AP3D1: variants seen among roughly 807,000 people sequenced by gnomAD.
AP3D1 encodes the protein AP-3 complex subunit delta-1.
A neutral mutation model predicts 147.6 loss-of-function variants in AP3D1; 51 were observed. That is an observed-to-expected ratio of 0.35 (90% CI 0.28 to 0.44). The LOEUF is 0.44. Ranked by LOEUF, AP3D1 falls within the 20% of genes least tolerant of loss-of-function variation. AP3D1 has a pLI of 1.00. For missense variants in AP3D1, 1,421 were observed against 1,624.2 expected (o/e 0.87, Z 2.15); for synonymous variants, 760 against 663.0 (o/e 1.15, Z -2.25).
chr19:2,134,420 CAA>C (rs60373017), intron 4 of AP3D1, among the ~76,000 whole-genome samples: 2 of 140,940 alleles, frequency 1.4e-5, no homozygotes. Context: ...AACCCTGTCT[CAA>C]AAAAAAAAAA....
chr19:2,128,510 C>T (rs1291500588), intron 8 of AP3D1, among the ~76,000 whole-genome samples: 76 of 131,606 alleles, frequency 5.8e-4, no homozygotes, highest in African/African-American at 2.2e-3. Context: ...CCGGCCCGCC[C>T]CACAGCTCCG....
rs2018193652 is a variant in AP3D1, at chr19:2,109,145, CCAT to C, written c.3410_3412del (p.Asp1137del). 1 of 1,609,772 alleles carries C rather than the reference CCAT, an allele frequency of 6.2e-7. No individual in the cohort carries two copies. The highest frequency in any genetic ancestry group is 1.7e-5 in the Admixed American group (1 of 58,434). ...AAGATTCTGGAAGGACATCCGAATG[CCAT>C]CGACTTTGATTGAGCTCATGCTCAA... is the stretch of plus-strand genomic sequence containing the variant. On this transcript the variant is annotated inframe_deletion, in exon 30 of 32. Transcript: ENST00000643116.
intron 25 of AP3D1, 50 bp downstream of exon 25, chr19:2,111,629 A>G: frequency 2.0e-6 from 3 of 1,536,688 alleles, no homozygotes; most frequent in Non-Finnish European, 2.6e-6. Context: ...AGCAGCGCAC[A>G]GCCCGCCAGG....
At position 2,112,198 on chromosome 19, in the gene AP3D1, T is replaced by C. The variant is rs569928754; in HGVS notation, c.2788-370A>G. The C allele has an allele frequency of 1.5e-5, 4 of 260,330 alleles. No individual in the cohort carries two copies. In the South Asian group the frequency reaches 2.3e-4, roughly 15 times the overall value. The allele number at this position is 260,330 out of a possible 1,614,324, so 16.1% of individuals were successfully genotyped here. A position where few individuals can be genotyped will look rare whatever the true frequency, so the allele number is the denominator to read the frequency against. On this transcript the variant is annotated intron_variant, in intron 24 of 31. Coordinates refer to ENST00000643116, the MANE Select transcript of AP3D1 (RefSeq NM_001261826.3). ...CACTGCGCAGATGTTCAAAGCGGCA[T>C]ACTGTGTCACCACAAAGGGGAAGCG...
chr19:2,117,547 G>A (rs529883101), intron 15 of AP3D1, among the ~76,000 whole-genome samples, 180 bp from the exon 16 acceptor site: 3 of 152,340 alleles, frequency 2.0e-5, no homozygotes, highest in African/African-American at 7.2e-5. Context: ...GCCAGGAAGC[G>A]GCAGAAACAG....
At chr19:2,145,849 T>C (rs1400357643) in intron 1 of AP3D1, among the ~76,000 whole-genome samples, 1 of 152,138 alleles carries the variant, frequency 6.6e-6, no homozygotes, top group Non-Finnish European at 1.5e-5. Flanking sequence ...CAAGCCTCTT[T>C]GAAGAGAGAG....
chr19:2,132,362 C>T (rs1327737034), intron 5 of AP3D1, 109 bp downstream of exon 5: 14 of 991,314 alleles, frequency 1.4e-5, no homozygotes, highest in East Asian at 9.8e-5. Context: ...GGCCACGCAC[C>T]GGGGACCCCG....
intron 11 of AP3D1, 152 bp downstream of exon 11, chr19:2,123,206 G>A (rs937903765): frequency 3.8e-6 from 3 of 796,222 alleles, no homozygotes; most frequent in Non-Finnish European, 6.1e-6. Flanking sequence ...CAGGGCACTG[G>A]CAGAGGGCTG....
At chr19:2,132,605 G>A in intron 4 of AP3D1, 27 bp from the exon 5 acceptor site, 1 of 1,586,002 alleles carries the variant, frequency 6.3e-7, no homozygotes. Context: ...AGGGGCCGTG[G>A]CCAGGATGCC....
chr19:2,144,533 C>T (rs1003677778), intron 1 of AP3D1, among the ~76,000 whole-genome samples: 4 of 152,156 alleles, frequency 2.6e-5, no homozygotes, highest in African/African-American at 9.7e-5. Context: ...AGCCCCAGCC[C>T]GTCTCTGTGC....
intron 31 of AP3D1, among the ~76,000 whole-genome samples, chr19:2,107,136 G>A (rs1001468067): frequency 2.0e-5 from 3 of 151,676 alleles, no homozygotes; most frequent in Non-Finnish European, 2.9e-5. Flanking sequence ...GGTGGCGGGC[G>A]CTTGTATTCC....
intron 1 of AP3D1, among the ~76,000 whole-genome samples, chr19:2,147,345 C>CA (rs71176517): frequency 0.019 from 1,496 of 80,172 alleles, 20 homozygotes; most frequent in Middle Eastern, 0.042. Context: ...AACTCTGTCT[C>CA]AAAAAAAAAA....
intron 1 of AP3D1, chr19:2,164,067 AG>A: frequency 2.1e-6 from 1 of 480,420 alleles, no homozygotes; most frequent in Non-Finnish European, 2.8e-6. Context: ...GGCCGAGGCC[AG>A]GCCCCCTCCC....
intron 1 of AP3D1, among the ~76,000 whole-genome samples, chr19:2,142,991 C>G (rs545257753): frequency 2.6e-5 from 4 of 151,408 alleles, no homozygotes; most frequent in Admixed American, 6.6e-5. Flanking sequence ...CTCGAACTCC[C>G]GACCTCAGGT....
Position 2,110,778 on chromosome 19 carries a change from TTGAG to T in AP3D1, c.3100_3103del (p.Leu1034MetfsTer76). 1 of 1,613,088 alleles carries T rather than the reference TTGAG, an allele frequency of 6.2e-7. No homozygotes were observed. The highest frequency in any genetic ancestry group is 2.2e-5 in the East Asian group (1 of 44,872). ...GCCCTGCGGCCGGGCCATCCTGGCA[TTGAG>T]TGAGTCCAGCACGCTGAGCTCCATG... On this transcript the variant is annotated frameshift_variant, in exon 27 of 32. Coordinates refer to ENST00000643116, the MANE Select transcript of AP3D1 (RefSeq NM_001261826.3). LOFTEE classifies it high-confidence loss of function.
chr19:2,109,292 A>G (rs2018198291), intron 29 of AP3D1, 85 bp from the exon 30 acceptor site: 3 of 1,482,646 alleles, frequency 2.0e-6, no homozygotes, highest in Non-Finnish European at 2.7e-6. Context: ...CCTGCCACAC[A>G]CGCTGCGCTT....
intron 1 of AP3D1, among the ~76,000 whole-genome samples, chr19:2,142,475 C>T (rs572968603): frequency 5.1e-4 from 78 of 152,288 alleles, no homozygotes; most frequent in African/African-American, 1.5e-3. Context: ...TTTAAACTTC[C>T]GATTCTCAGT....
At position 2,121,898 on chromosome 19, in the gene AP3D1, G is replaced by C. The variant is rs754940662; in HGVS notation, c.956-19C>G. The C allele has an allele frequency of 1.0e-5, 16 of 1,592,726 alleles. No individual in the cohort carries two copies. The highest frequency in any genetic ancestry group is 1.3e-5 in the Non-Finnish European group (15 of 1,172,026). On this transcript the variant is annotated intron_variant, in intron 11 of 31. Coordinates refer to ENST00000643116, the MANE Select transcript of AP3D1 (RefSeq NM_001261826.3). ...TACTTCACTGCAGAGAGAGGCCAGA[G>C]CCGGGTCACTGGGACGGACACAGGC...
At chr19:2,150,371 T>A (rs928199623) in intron 1 of AP3D1, among the ~76,000 whole-genome samples, 4 of 152,182 alleles carry the variant, frequency 2.6e-5, no homozygotes, top group African/African-American at 7.2e-5. Context: ...AGACACGTGG[T>A]GGCCACTCTG....
Sources: allele counts gnomAD v4.1 joint callset (sites outside exome capture counted in the v4.1 genomes callset), GRCh38; gene constraint gnomAD v4.1.1; transcripts MANE v1.5; gene names NCBI Gene and HGNC (gene_info 2026-07-23, HGNC 2026-07-21).